CCT4: variants seen among roughly 807,000 people sequenced by gnomAD.
The protein encoded by CCT4 is T-complex protein 1 subunit delta.
CCT4 carries 17 observed loss-of-function variants against 62.5 expected under a neutral mutation model. The observed-to-expected ratio is 0.27, with a 90% confidence interval of 0.19 to 0.41. CCT4 has a LOEUF of 0.41. Among genes scored for constraint, CCT4 ranks in the 10% least tolerant of loss-of-function variants. CCT4 has a pLI of 1.00. For synonymous variants in CCT4, 250 were observed against 229.9 expected, an observed-to-expected ratio of 1.09 and a Z score of -0.79; for missense variants, 592 against 659.2, an observed-to-expected ratio of 0.90 and a Z score of 1.12.
At chr2:61,888,345 C>T in intron 1 of CCT4, 36 bp downstream of exon 1, 3 of 1,600,660 alleles carry the variant, frequency 1.9e-6, no homozygotes, top group East Asian at 2.3e-5. Flanking sequence ...AGAGCACAAC[C>T]CCGCGGCGCC....
intron 3 of CCT4, among the ~76,000 whole-genome samples, chr2:61,882,375 T>A (rs1162177672): frequency 6.6e-6 from 1 of 152,218 alleles, no homozygotes; most frequent in African/African-American, 2.4e-5. Flanking sequence ...AATTACTGTT[T>A]CCAGTAGATT....
At position 61,888,391 on chromosome 2, in the gene CCT4, G is replaced by A. The variant is rs1472628180; in HGVS notation, c.117C>T (p.Ser39=). ...KPAQIRFSNI[S]AAKAVADAIR... is the part of the protein sequence containing the mutation. The stretch of plus-strand genomic sequence containing the variant: ...CCATGAGAGTGATACCTTTGGCGGC[G>A]GAAATGTTGCTGAAGCGGATCTGGG... The change falls in exon 1 of 14, where the codon TCC becomes TCT. Residue 39 remains serine (S), a synonymous_variant. Coordinates refer to ENST00000394440, the MANE Select transcript of CCT4 (RefSeq NM_006430.4). The A allele has an allele frequency of 1.9e-6, 3 of 1,612,986 alleles. No individual in the cohort carries two copies. The highest frequency in any genetic ancestry group is 1.3e-5 in the African/African-American group (1 of 74,884).
At chr2:61,875,105 G>C (rs1211679957) in intron 8 of CCT4, among the ~76,000 whole-genome samples, 1 of 149,296 alleles carries the variant, frequency 6.7e-6, no homozygotes, top group Admixed American at 6.7e-5. Flanking sequence ...TCGCACCATT[G>C]ATTCCAGCCT....
rs547719115 is a variant in CCT4, at chr2:61,868,269, C to T, written c.*423G>A. 25 of 158,836 alleles carry T rather than the reference C, an allele frequency of 1.6e-4. No homozygotes were observed. Among genetic ancestry groups the T allele is most frequent in the Admixed American group, 3.8e-4 (6 of 15,892 alleles). 9.8% of individuals were successfully genotyped at this position (158,836 alleles called of 1,614,324 possible). On this transcript the variant is annotated 3_prime_UTR_variant, in exon 14 of 14. Transcript: ENST00000394440. ...TTAACTTATTTTTGTTTTAACTGGG[C>T]AGCCTCCCAAGCCAAAGTAGGTTCA...
chr2:61,872,985 A>G lies in CCT4; in HGVS notation c.1125+17T>C. On this transcript the variant is annotated intron_variant, in intron 10 of 13. Coordinates refer to ENST00000394440, the MANE Select transcript of CCT4 (RefSeq NM_006430.4). ...CCCAAACCTAAGCAAATAAAAATTT[A>G]AGTGTAATACTGTTACCTTGAGCAG... is the stretch of plus-strand genomic sequence containing the variant. The G allele has an allele frequency of 7.2e-7, 1 of 1,388,898 alleles. No homozygotes were observed. 86.0% of individuals were successfully genotyped at this position (1,388,898 alleles called of 1,614,324 possible).
At chr2:61,885,108 G>C in intron 1 of CCT4, 36 bp from the exon 2 acceptor site, 12 of 1,454,754 alleles carry the variant, frequency 8.2e-6, no homozygotes, top group Non-Finnish European at 1.1e-5. Flanking sequence ...AAACAAATTA[G>C]AACTTTTTTT....
chr2:61,870,485 A>G (rs1323723744), intron 12 of CCT4, among the ~76,000 whole-genome samples: 2 of 144,300 alleles, frequency 1.4e-5, no homozygotes, highest in African/African-American at 5.2e-5. Flanking sequence ...TTCTTAAAAT[A>G]TTCCTGTCCT....
Position 61,872,109 on chromosome 2 carries a change from T to C in CCT4, c.1464A>G (p.Glu488=), listed in dbSNP as rs761512849. The C allele has an allele frequency of 6.2e-7, 1 of 1,613,466 alleles. No individual in the cohort carries two copies. The highest frequency in any genetic ancestry group is 1.7e-5 in the Admixed American group (1 of 60,002). Residue 488 remains glutamate, a synonymous_variant, in exon 12 of 14, where the codon GAA becomes GAG. Transcript: ENST00000394440. The part of the protein sequence containing the change: ...TELRNRHAQG[E]KTAGINVRKG... ...TTCGGACATTAATGCCTGCAGTTTT[T>C]TCTCCCTGGGCATGCCGGTTTCTTA...
intron 1 of CCT4, among the ~76,000 whole-genome samples, chr2:61,886,864 A>G (rs1669264655): frequency 6.6e-6 from 1 of 151,676 alleles, no homozygotes; most frequent in African/African-American, 2.4e-5. Flanking sequence ...GGTTCAAGCT[A>G]TTCCCCTGCC....
chr2:61,886,698 A>C (rs2105143865), intron 1 of CCT4, among the ~76,000 whole-genome samples: 1 of 151,766 alleles, frequency 6.6e-6, no homozygotes, highest in South Asian at 2.1e-4. Flanking sequence ...AAGGTTGCTA[A>C]ATTTCCCACT....
At chr2:61,877,556 A>T in intron 5 of CCT4, 42 bp from the exon 6 acceptor site, 1 of 1,448,016 alleles carries the variant, frequency 6.9e-7, no homozygotes. Context: ...TTCACAGTAG[A>T]AAAAAGTCCT....
chr2:61,876,896 C>A, intron 7 of CCT4, 24 bp downstream of exon 7: 2 of 1,574,328 alleles, frequency 1.3e-6, no homozygotes, highest in South Asian at 2.3e-5. Flanking sequence ...CACAGAGAAC[C>A]AATTTCATTT....
chr2:61,880,303 G>C lies in CCT4; in HGVS notation c.362C>G (p.Thr121Ser). Residue 121 changes from threonine to serine, a missense_variant, in exon 4 of 14, where the codon ACC becomes AGC. Coordinates refer to ENST00000394440, the MANE Select transcript of CCT4 (RefSeq NM_006430.4). ...IIAGSLLDSC[T>S]KLLQKGIHPT... ...CTACCCACCTTTCTGAAGAAGCTTG[G>C]TACAAGAATCTAAGAGGGAGCCAGC... is the stretch of plus-strand genomic sequence containing the variant. 1 of 1,579,826 alleles carries C rather than the reference G, an allele frequency of 6.3e-7. No homozygotes were observed. The highest frequency in any genetic ancestry group is 8.6e-7 in the Non-Finnish European group (1 of 1,161,010).
chr2:61,871,531 T>C (rs1668883369), intron 12 of CCT4, among the ~76,000 whole-genome samples: 1 of 152,202 alleles, frequency 6.6e-6, no homozygotes, highest in African/African-American at 2.4e-5. Context: ...AAACAGATAG[T>C]TCCATCATTT....
At position 61,888,429 on chromosome 2, in the gene CCT4, G is replaced by A. The variant is rs1276676396; in HGVS notation, c.79C>T (p.Arg27Cys). The change falls in exon 1 of 14, where the codon CGC (arginine) becomes TGC (cysteine). Residue 27 changes from arginine (R) to cysteine (C), a missense_variant. Transcript: ENST00000394440. Reference protein sequence around the residue: ...GGRGKGAYQDRDKPAQIRFSN... With the variant: ...GGRGKGAYQDCDKPAQIRFSN... ...AAGCGGATCTGGGCTGGCTTGTCGC[G>A]GTCCTGATAGGCGCCTTTCCCGCGG... 1 of 1,612,534 alleles carries A rather than the reference G, an allele frequency of 6.2e-7. No individual in the cohort carries two copies.
At chr2:61,886,127 A>G (rs1669242743) in intron 1 of CCT4, 1 of 152,138 alleles carries the variant, frequency 6.6e-6, no homozygotes, top group Admixed American at 6.5e-5. Flanking sequence ...AAAATCCAAC[A>G]AGGCTGGGCG....
At chr2:61,885,694 G>A (rs1173104909) in intron 1 of CCT4, 1 of 152,092 alleles carries the variant, frequency 6.6e-6, no homozygotes, top group African/African-American at 2.4e-5. Flanking sequence ...TTACAGGTGT[G>A]AGCCACCACG....
At position 61,879,096 on chromosome 2, in the gene CCT4, A is replaced by T. The variant is rs1313418995; in HGVS notation, c.380-85T>A. 9.4e-6 allele frequency: 9 copies of T among 958,558 alleles called. No individual in the cohort carries two copies. In the East Asian group the frequency reaches 2.2e-4, roughly 24 times the overall value. 59.4% of individuals were successfully genotyped at this position (958,558 alleles called of 1,614,324 possible). ...GCTTAAAAATTTTCTACTCAATGTC[A>T]AAGCAAGCACAAATTTAACTATTCT... is the stretch of plus-strand genomic sequence containing the variant. On this transcript the variant is annotated intron_variant, in intron 4 of 13. Coordinates refer to ENST00000394440, the MANE Select transcript of CCT4 (RefSeq NM_006430.4).
intron 4 of CCT4, among the ~76,000 whole-genome samples, chr2:61,879,319 C>T (rs1240858094): frequency 3.6e-5 from 5 of 140,146 alleles, no homozygotes; most frequent in African/African-American, 1.1e-4. Context: ...TAGAGTGCAG[C>T]GCCCTGATCT....
Sources: allele counts gnomAD v4.1 joint callset (sites outside exome capture counted in the v4.1 genomes callset), GRCh38; gene constraint gnomAD v4.1.1; transcripts MANE v1.5; gene names NCBI Gene and HGNC (gene_info 2026-07-23, HGNC 2026-07-21).